The following PLEKHA6 variants were observed in gnomAD, a reference collection of about 807,000 sequenced individuals.
The protein encoded by PLEKHA6 is pleckstrin homology domain containing A6.
In PLEKHA6, 60 loss-of-function variants were observed where a neutral mutation model predicts 116.7. The observed-to-expected ratio is 0.51, with a 90% CI of 0.42 to 0.64. PLEKHA6 has a LOEUF of 0.64. PLEKHA6 is among the 30% of genes least tolerant of loss of function. The pLI is 0.00. For missense variants in PLEKHA6, 1,338 were observed against 1,422.7 expected (o/e 0.94, Z 0.96); for synonymous variants, 489 against 556.1 (o/e 0.88, Z 1.70).
In PLEKHA6 at chr1:204,230,273, G is replaced by A. The variant is rs73073730; in HGVS notation, c.2583+140C>T. On this transcript the variant is annotated intron_variant, in intron 18 of 22. Transcript: ENST00000272203. ...CTGCCGATGGGGGAGAGGACTCTCC[G>A]GCTCTCCCAGGTGCCCAGCTTGGGT... 4.2e-3 allele frequency: 2,477 copies of A among 596,280 alleles called. 14 individuals are homozygous for A. The highest frequency in any genetic ancestry group is 0.012 in the African/African-American group (624 of 52,172). The allele number at this position is 596,280 out of a possible 1,614,324, so 36.9% of individuals were successfully genotyped here. A position where few individuals can be genotyped will look rare whatever the true frequency, so the allele number is the denominator to read the frequency against.
chr1:204,335,894 CTT>C (rs1672631226), intron 1 of PLEKHA6, among the ~76,000 whole-genome samples: 1 of 152,194 alleles, frequency 6.6e-6, no homozygotes, highest in Non-Finnish European at 1.5e-5. Flanking sequence ...ATCTCAATAA[CTT>C]TGATAGCCAG....
chr1:204,279,460 G>C (rs1350051751), intron 1 of PLEKHA6, among the ~76,000 whole-genome samples: 2 of 152,206 alleles, frequency 1.3e-5, no homozygotes, highest in African/African-American at 4.8e-5. Flanking sequence ...ACATTAAAAA[G>C]GGAAACAAGG....
intron 10 of PLEKHA6, among the ~76,000 whole-genome samples, chr1:204,249,799 A>C (rs1032674641): frequency 6.6e-6 from 1 of 152,114 alleles, no homozygotes; most frequent in African/African-American, 2.4e-5. Flanking sequence ...CACTGGGCAG[A>C]TCCACTACCC....
At chr1:204,241,869 G>T in intron 15 of PLEKHA6, 55 bp from the exon 16 acceptor site, 3 of 1,588,028 alleles carry the variant, frequency 1.9e-6, no homozygotes, top group Non-Finnish European at 1.7e-6. Context: ...CAGGAACTTG[G>T]CCCCCAGTGA....
At chr1:204,346,562 C>T (rs16853461) in intron 1 of PLEKHA6, among the ~76,000 whole-genome samples, 3 of 152,058 alleles carry the variant, frequency 2.0e-5, no homozygotes, top group Admixed American at 2.0e-4. Flanking sequence ...ACAGTTGGGT[C>T]ACACGAGGGG....
At chr1:204,357,859 G>A (rs990049068) in intron 1 of PLEKHA6, among the ~76,000 whole-genome samples, 8 of 152,386 alleles carry the variant, frequency 5.2e-5, no homozygotes, top group South Asian at 4.1e-4. Context: ...GGGTCTGGGC[G>A]AGGTGGGGGC....
intron 15 of PLEKHA6, chr1:204,243,039 C>T (rs1172932558): frequency 1.0e-5 from 4 of 399,122 alleles, no homozygotes; most frequent in Admixed American, 4.4e-5. Context: ...CTCCAGGGCC[C>T]TGCCTTGCCC....
intron 1 of PLEKHA6, among the ~76,000 whole-genome samples, chr1:204,322,386 T>C (rs1047080244): frequency 3.5e-4 from 53 of 152,194 alleles, no homozygotes; most frequent in African/African-American, 1.2e-3. Context: ...GGCATCCTTC[T>C]GGAAGTTCTC....
At chr1:204,294,119 C>G (rs1670038496) in intron 1 of PLEKHA6, among the ~76,000 whole-genome samples, 2 of 152,058 alleles carry the variant, frequency 1.3e-5, no homozygotes, top group Non-Finnish European at 1.5e-5. Flanking sequence ...AGCTGCTTGA[C>G]AGCTGCATTA....
intron 10 of PLEKHA6, 100 bp downstream of exon 10, chr1:204,250,446 C>A (rs1159485047): frequency 1.2e-6 from 1 of 801,148 alleles, no homozygotes; most frequent in Non-Finnish European, 2.2e-6. Context: ...GGAGAGACAG[C>A]CCCCGCAGAG....
intron 1 of PLEKHA6, chr1:204,309,871 A>G (rs1046782508): frequency 4.7e-5 from 8 of 168,840 alleles, no homozygotes; most frequent in African/African-American, 1.9e-4. Flanking sequence ...TGTTACACTC[A>G]ATGCTACCAT....
chr1:204,331,407 C>T (rs888300974), intron 1 of PLEKHA6, among the ~76,000 whole-genome samples: 10 of 152,014 alleles, frequency 6.6e-5, no homozygotes, highest in South Asian at 2.1e-4. Flanking sequence ...CCCAGCCCAG[C>T]GACCCATGCT....
At chr1:204,322,476 G>C (rs1033337268) in intron 1 of PLEKHA6, among the ~76,000 whole-genome samples, 5 of 152,234 alleles carry the variant, frequency 3.3e-5, no homozygotes, top group Admixed American at 1.3e-4. Context: ...GACTTGGGAA[G>C]CCAGTGGGGT....
At chr1:204,287,923 T>A (rs1414117141) in intron 1 of PLEKHA6, among the ~76,000 whole-genome samples, 1 of 152,228 alleles carries the variant, frequency 6.6e-6, no homozygotes, top group African/African-American at 2.4e-5. Flanking sequence ...TGGACTAAGA[T>A]AATTTTAAAG....
chr1:204,371,240 G>A lies in PLEKHA6; in HGVS notation c.160+290C>T, dbSNP rs1213908384. ...CTTCTGCCAGTTCAAGAGCCCTTGA[G>A]ACAGGGGATTTTCTGACTGGGCAGA... On this transcript the variant is annotated intron_variant, in intron 2 of 4. Transcript: ENST00000564627. Among the ~76,000 whole-genome samples, 3 of 152,280 alleles carry A rather than the reference G, an allele frequency of 2.0e-5. No individual in the cohort carries two copies. In the East Asian group the frequency reaches 5.8e-4, roughly 29 times the overall value.
chr1:204,267,739 C>A lies in PLEKHA6; in HGVS notation c.208-192G>T, dbSNP rs1293827265. On this transcript the variant is annotated intron_variant, in intron 4 of 22. Transcript: ENST00000272203. ...ACTGACATTAGATTGTTGCCTGTGA[C>A]CTTCCAGTTCTGTCATTCAGTGCCT... Among the ~76,000 whole-genome samples, 3 of 152,284 alleles carry A rather than the reference C, an allele frequency of 2.0e-5. No homozygotes were observed. In the South Asian group the frequency reaches 6.2e-4, roughly 32 times the overall value.
chr1:204,316,923 A>C (rs1671882758), intron 1 of PLEKHA6, among the ~76,000 whole-genome samples: 1 of 152,176 alleles, frequency 6.6e-6, no homozygotes, highest in Non-Finnish European at 1.5e-5. Context: ...CAGACAGATA[A>C]AGCGGCCTCC....
chr1:204,354,963 G>A (rs1470138518), intron 1 of PLEKHA6, among the ~76,000 whole-genome samples: 2 of 152,222 alleles, frequency 1.3e-5, no homozygotes, highest in Non-Finnish European at 2.9e-5. Context: ...CAGCAAGTGT[G>A]CCATTCCAGG....
In PLEKHA6 at chr1:204,227,199, A is replaced by T. The variant is rs4581328; in HGVS notation, c.3031+884T>A. ...GAATGGTGGCCTGCACACCTGCTCTAGCTTCTCTGCCAGTGTCATCTCCAA... is the reference window on the plus strand; with the variant it reads ...GAATGGTGGCCTGCACACCTGCTCTTGCTTCTCTGCCAGTGTCATCTCCAA... On this transcript the variant is annotated intron_variant, in intron 21 of 22. Transcript: ENST00000272203. 3.3e-5 allele frequency among the ~76,000 whole-genome samples: 5 copies of T among 152,058 alleles called. No homozygotes were observed. The East Asian group carries it at 7.7e-4, about 24-fold the overall frequency.
Sources: allele counts gnomAD v4.1 joint callset (sites outside exome capture counted in the v4.1 genomes callset), GRCh38; gene constraint gnomAD v4.1.1; transcripts MANE v1.5; gene names NCBI Gene and HGNC (gene_info 2026-07-23, HGNC 2026-07-21).